The following SLIT2 variants were observed in gnomAD, a reference collection of about 807,000 sequenced individuals.
SLIT2 encodes the protein slit homolog 2 protein.
A neutral mutation model predicts 185.7 loss-of-function variants in SLIT2; 41 were observed. The observed-to-expected ratio is 0.22, with a 90% CI of 0.17 to 0.29. SLIT2 has a LOEUF of 0.29. SLIT2 is among the 10% of genes least tolerant of loss of function. The pLI is 1.00. For missense variants in SLIT2, 1,571 were observed against 1,909.0 expected (o/e 0.82, Z 3.30); for synonymous variants, 693 against 680.2 (o/e 1.02, Z -0.29).
At chr4:20,471,370 A>C (rs974698457) in intron 5 of SLIT2, among the ~76,000 whole-genome samples, 1 of 152,186 alleles carries the variant, frequency 6.6e-6, no homozygotes, top group Admixed American at 6.5e-5. Flanking sequence ...AACATAAGTC[A>C]TCGTCATGGC....
At chr4:20,281,163 G>A (rs759202936) in intron 4 of SLIT2, among the ~76,000 whole-genome samples, 15 of 152,140 alleles carry the variant, frequency 9.9e-5, no homozygotes, top group Non-Finnish European at 1.6e-4. Context: ...GAGATTTGAT[G>A]CTTATGCCTT....
chr4:20,418,661 T>C (rs1164861021), intron 4 of SLIT2, among the ~76,000 whole-genome samples: 3 of 152,214 alleles, frequency 2.0e-5, no homozygotes. Context: ...TTTAAATTAA[T>C]ACCTGGGAAT....
At chr4:20,290,674 G>A (rs141346987) in intron 4 of SLIT2, among the ~76,000 whole-genome samples, 17 of 151,780 alleles carry the variant, frequency 1.1e-4, no homozygotes, top group African/African-American at 3.9e-4. Context: ...TGTTTTGCCA[G>A]TGTCTGGCAT....
intron 22 of SLIT2, among the ~76,000 whole-genome samples, chr4:20,547,762 A>G (rs934867770): frequency 6.6e-6 from 1 of 151,304 alleles, no homozygotes; most frequent in African/African-American, 2.4e-5. Context: ...CACTATATAT[A>G]TAATGAGAAT....
At chr4:20,617,765 CAGAG>C in intron 36 of SLIT2, 115 bp downstream of exon 36, 1 of 688,440 alleles carries the variant, frequency 1.5e-6, no homozygotes. Flanking sequence ...GCAACAGAGA[CAGAG>C]AGAGGGGAGT....
chr4:20,369,964 G>C (rs1723441266), intron 4 of SLIT2, among the ~76,000 whole-genome samples: 1 of 152,084 alleles, frequency 6.6e-6, no homozygotes, highest in Non-Finnish European at 1.5e-5. Flanking sequence ...TTCCTTACGT[G>C]AATGATTCTT....
chr4:20,442,455 C>T (rs13143964), intron 4 of SLIT2, among the ~76,000 whole-genome samples: 2 of 137,190 alleles, frequency 1.5e-5, no homozygotes, highest in African/African-American at 2.7e-5. Context: ...GCCCAGGAGG[C>T]GGAGCTTGCA....
chr4:20,375,946 A>G (rs1170515621), intron 4 of SLIT2, among the ~76,000 whole-genome samples: 1 of 151,982 alleles, frequency 6.6e-6, no homozygotes, highest in Non-Finnish European at 1.5e-5. Context: ...CATTATGTGC[A>G]TTATAGATAC....
At chr4:20,442,488 C>T (rs1015773207) in intron 4 of SLIT2, among the ~76,000 whole-genome samples, 5 of 133,658 alleles carry the variant, frequency 3.7e-5, no homozygotes, top group African/African-American at 1.4e-4. Context: ...CGCGCCACTG[C>T]GCTCCAGCCT....
chr4:20,501,232 G>A lies in SLIT2; in HGVS notation c.915-9263G>A, dbSNP rs181262451. 2.3e-3 allele frequency among the ~76,000 whole-genome samples: 347 copies of A among 152,188 alleles called. 1 individual carries two copies. Among genetic ancestry groups the A allele is most frequent in the Non-Finnish European group, 4.1e-3 (282 of 68,018 alleles). On this transcript the variant is annotated intron_variant, in intron 9 of 36. Coordinates refer to ENST00000504154, the MANE Select transcript of SLIT2 (RefSeq NM_004787.4). The stretch of plus-strand genomic sequence containing the variant: ...CAGACACAGAGCACCTCATTACTCA[G>A]CATACAAAATAGTGTTCTACAATGT...
At position 20,619,127 on chromosome 4, in the gene SLIT2, A is replaced by G; in HGVS notation, c.*118A>G. ...ATATTGTAAAATACAGAACAGACTT[A>G]TTTTTATTATGAGAATAAAGACTTT... On this transcript the variant is annotated 3_prime_UTR_variant, in exon 37 of 37. Transcript: ENST00000504154. 1 of 1,037,802 alleles carries G rather than the reference A, an allele frequency of 9.6e-7. No individual in the cohort carries two copies. The highest frequency in any genetic ancestry group is 1.3e-6 in the Non-Finnish European group (1 of 752,276). 64.3% of individuals were successfully genotyped at this position (1,037,802 alleles called of 1,614,324 possible).
chr4:20,532,031 T>G lies in SLIT2; in HGVS notation c.1661T>G (p.Phe554Cys). ...EFTVLEATGI[F>C]KKLPQLRKIN... ...ACCGTGTTGGAAGCCACAGGAATCTTTAAGAAACTTCCTCAATTACGTAAA... is the reference window on the plus strand; with the variant it reads ...ACCGTGTTGGAAGCCACAGGAATCTGTAAGAAACTTCCTCAATTACGTAAA... The change falls in exon 17 of 37, where the codon TTT becomes TGT. Residue 554 changes from phenylalanine (F) to cysteine (C), a missense_variant. Phe to Cys is a radical substitution (Grantham distance 205). Transcript: ENST00000504154. 6.3e-7 allele frequency: 1 copy of G among 1,576,030 alleles called. No homozygotes were observed. The highest frequency in any genetic ancestry group is 8.6e-7 in the Non-Finnish European group (1 of 1,167,468).
chr4:20,404,276 A>G (rs527410191), intron 4 of SLIT2, among the ~76,000 whole-genome samples: 5 of 152,064 alleles, frequency 3.3e-5, no homozygotes, highest in Middle Eastern at 3.4e-3. Context: ...AACGTCCCCT[A>G]TATTACAATC....
chr4:20,455,575 A>G (rs1187734226), intron 4 of SLIT2, among the ~76,000 whole-genome samples: 1 of 152,176 alleles, frequency 6.6e-6, no homozygotes, highest in African/African-American at 2.4e-5. Flanking sequence ...AAAATGTGTT[A>G]TATTTATACA....
intron 4 of SLIT2, among the ~76,000 whole-genome samples, chr4:20,466,382 G>T (rs562118151): frequency 3.3e-5 from 5 of 152,234 alleles, no homozygotes; most frequent in African/African-American, 1.2e-4. Flanking sequence ...CATCACTAAG[G>T]AAGTGGAAGG....
intron 4 of SLIT2, among the ~76,000 whole-genome samples, chr4:20,276,661 T>G (rs1388803038): frequency 2.6e-5 from 4 of 152,120 alleles, no homozygotes; most frequent in Non-Finnish European, 5.9e-5. Context: ...AAAAAATAGC[T>G]TTGCCCCATC....
At chr4:20,321,095 G>A (rs1184993245) in intron 4 of SLIT2, among the ~76,000 whole-genome samples, 2 of 152,094 alleles carry the variant, frequency 1.3e-5, no homozygotes, top group Non-Finnish European at 2.9e-5. Context: ...CCACTGCACT[G>A]TAGCCTGGGC....
At chr4:20,536,756 GT>G (rs1229304138) in intron 18 of SLIT2, among the ~76,000 whole-genome samples, 3 of 144,190 alleles carry the variant, frequency 2.1e-5, no homozygotes, top group Non-Finnish European at 3.1e-5. Context: ...TTGTTCAGCT[GT>G]ATAAATTTTT....
At position 20,476,745 on chromosome 4, in the gene SLIT2, A is replaced by G. The variant is rs184239031; in HGVS notation, c.468-3971A>G. 4.9e-3 allele frequency among the ~76,000 whole-genome samples: 742 copies of G among 152,276 alleles called. 10 individuals carry two copies. Among genetic ancestry groups the G allele is most frequent in the African/African-American group, 0.017 (690 of 41,570 alleles). On this transcript the variant is annotated intron_variant, in intron 5 of 36. Coordinates refer to ENST00000504154, the MANE Select transcript of SLIT2 (RefSeq NM_004787.4). ...TTATTAACCTAAGTGTTGTATATGT[A>G]ATTCAAACTCAGTGTGATATCCATA...
Sources: allele counts gnomAD v4.1 joint callset (sites outside exome capture counted in the v4.1 genomes callset), GRCh38; gene constraint gnomAD v4.1.1; transcripts MANE v1.5; gene names NCBI Gene and HGNC (gene_info 2026-07-23, HGNC 2026-07-21).